CSMD3: variants seen among roughly 807,000 people sequenced by gnomAD.
The protein encoded by CSMD3 is CUB and Sushi multiple domains 3.
In CSMD3, 177 loss-of-function variants were observed where a neutral mutation model predicts 435.2. That is an observed-to-expected ratio of 0.41 (90% confidence interval 0.36 to 0.46). The LOEUF (loss-of-function observed/expected upper bound fraction) is 0.46, where lower values mean the gene tolerates loss of function less well. Ranked by LOEUF, CSMD3 falls within the 20% of genes least tolerant of loss-of-function variation. CSMD3 has a pLI of 0.34. For missense variants in CSMD3, 4,265 were observed against 4,504.6 expected (o/e 0.95, Z 1.52); for synonymous variants, 1,656 against 1,520.5 (o/e 1.09, Z -2.07).
chr8:112,365,948 C>T (rs1272632933), intron 38 of CSMD3, among the ~76,000 whole-genome samples: 1 of 152,082 alleles, frequency 6.6e-6, no homozygotes. Flanking sequence ...ACTTTTGTGC[C>T]CAGATCAGCT....
chr8:113,019,212 A>T (rs566979656), intron 5 of CSMD3, 33 bp from the exon 6 acceptor site: 1 of 1,450,710 alleles, frequency 6.9e-7, no homozygotes, highest in South Asian at 1.1e-5. Flanking sequence ...AAAAAAATTT[A>T]AAAAGCTTTT....
At chr8:112,868,546 T>C (rs1587523756) in intron 10 of CSMD3, among the ~76,000 whole-genome samples, 1 of 152,090 alleles carries the variant, frequency 6.6e-6, no homozygotes, top group South Asian at 2.1e-4. Flanking sequence ...TGTCACTAGG[T>C]GATATAAATT....
intron 56 of CSMD3, among the ~76,000 whole-genome samples, 166 bp from the exon 57 acceptor site, chr8:112,289,704 A>C (rs935481056): frequency 6.6e-6 from 1 of 152,136 alleles, no homozygotes; most frequent in Non-Finnish European, 1.5e-5. Flanking sequence ...AACAAAGTGG[A>C]GTTTGCAGCT....
chr8:113,173,957 A>G (rs748475655), intron 3 of CSMD3, 41 bp from the exon 4 acceptor site: 1 of 1,417,570 alleles, frequency 7.1e-7, no homozygotes, highest in Non-Finnish European at 1.0e-6. Context: ...AGTTATTTCA[A>G]TAAGCAGTTT....
At chr8:112,366,133 C>G (rs1827762620) in intron 38 of CSMD3, among the ~76,000 whole-genome samples, 2 of 152,116 alleles carry the variant, frequency 1.3e-5, no homozygotes, top group Admixed American at 1.3e-4. Context: ...GTGGTTCAGT[C>G]AAAGCAAAAA....
intron 2 of CSMD3, among the ~76,000 whole-genome samples, chr8:113,300,086 G>A (rs376201214): frequency 8.6e-5 from 13 of 150,898 alleles, no homozygotes; most frequent in East Asian, 3.9e-4. Flanking sequence ...CCCAGGAGGC[G>A]GAGGCTGCAG....
intron 6 of CSMD3, among the ~76,000 whole-genome samples, chr8:112,988,595 T>G (rs1383447503): frequency 6.6e-6 from 1 of 152,074 alleles, no homozygotes; most frequent in East Asian, 1.9e-4. Flanking sequence ...TGTGTATCAT[T>G]TTTGCCACCT....
intron 27 of CSMD3, among the ~76,000 whole-genome samples, chr8:112,530,794 G>A (rs954415720): frequency 3.1e-4 from 47 of 152,120 alleles, no homozygotes; most frequent in African/African-American, 9.7e-4. Context: ...CCTTGACTCC[G>A]AGCCAATACC....
At chr8:112,267,782 G>A (rs920100004) in intron 59 of CSMD3, among the ~76,000 whole-genome samples, 3 of 152,098 alleles carry the variant, frequency 2.0e-5, no homozygotes, top group Non-Finnish European at 2.9e-5. Flanking sequence ...AATGAAATGC[G>A]TGACAACAAA....
chr8:112,756,082 TGGGG>T (rs2077691854), intron 13 of CSMD3, among the ~76,000 whole-genome samples: 1 of 152,008 alleles, frequency 6.6e-6, no homozygotes, highest in Non-Finnish European at 1.5e-5. Flanking sequence ...CCTAAAGACG[TGGGG>T]ATTAGAAACA....
Position 112,896,449 on chromosome 8 carries a change from T to C in CSMD3, c.1633+25178A>G, listed in dbSNP as rs562629355. ...TTAGACTACCAAGTTTTGAGATGAT[T>C]TGTTACATAGCCATAGATAATTGGA... is the stretch of plus-strand genomic sequence containing the variant. On this transcript the variant is annotated intron_variant, in intron 10 of 70. Transcript: ENST00000297405. Among the ~76,000 whole-genome samples the C allele has an allele frequency of 2.0e-5, 3 of 151,574 alleles. No homozygotes were observed. In the East Asian group the frequency reaches 5.9e-4, roughly 30 times the overall value.
intron 13 of CSMD3, 84 bp downstream of exon 13, chr8:112,800,078 T>G (rs528610991): frequency 1.1e-6 from 1 of 916,058 alleles, no homozygotes; most frequent in Non-Finnish European, 1.8e-6. Flanking sequence ...AACTTTTAAT[T>G]TTGTAGATGC....
At chr8:112,940,847 T>C (rs1404204084) in intron 9 of CSMD3, among the ~76,000 whole-genome samples, 1 of 151,874 alleles carries the variant, frequency 6.6e-6, no homozygotes, top group African/African-American at 2.4e-5. Flanking sequence ...TACGATGAAT[T>C]TGAGGTCCTG....
intron 22 of CSMD3, among the ~76,000 whole-genome samples, chr8:112,591,855 A>C (rs1831219062): frequency 6.6e-6 from 1 of 151,904 alleles, no homozygotes; most frequent in Non-Finnish European, 1.5e-5. Flanking sequence ...CAGCTATTTT[A>C]GCCCATTATG....
intron 5 of CSMD3, among the ~76,000 whole-genome samples, chr8:113,036,327 A>C (rs1292768423): frequency 1.3e-5 from 2 of 152,044 alleles, no homozygotes; most frequent in Non-Finnish European, 2.9e-5. Context: ...TCTAAGCACA[A>C]TATATGAATA....
chr8:113,210,638 G>T (rs900914847), intron 3 of CSMD3, among the ~76,000 whole-genome samples: 14 of 152,174 alleles, frequency 9.2e-5, no homozygotes, highest in African/African-American at 3.1e-4. Context: ...AGCACTTTGG[G>T]AGGCTGAGGT....
intron 63 of CSMD3, among the ~76,000 whole-genome samples, chr8:112,250,106 T>G (rs1228424813): frequency 6.6e-6 from 1 of 152,060 alleles, no homozygotes; most frequent in African/African-American, 2.4e-5. Flanking sequence ...TAAGGTTAGA[T>G]CATTCTGTTT....
At chr8:113,298,171 A>G (rs570164284) in intron 2 of CSMD3, among the ~76,000 whole-genome samples, 1 of 152,212 alleles carries the variant, frequency 6.6e-6, no homozygotes, top group East Asian at 1.9e-4. Flanking sequence ...TATGATAGGA[A>G]TATAGTTAGG....
intron 20 of CSMD3, among the ~76,000 whole-genome samples, chr8:112,642,362 T>A (rs1363418530): frequency 6.6e-6 from 1 of 152,148 alleles, no homozygotes; most frequent in East Asian, 1.9e-4. Flanking sequence ...AAATCTCTCA[T>A]GGTGTCCTTG....
Sources: gnomAD v4.1 joint callset for allele counts (sites outside exome capture counted in the v4.1 genomes callset) on GRCh38, gnomAD v4.1.1 for gene constraint, MANE v1.5 for transcripts, NCBI Gene and HGNC (gene_info 2026-07-23, HGNC 2026-07-21) for gene names.